The following SEC14L1 variants were observed in gnomAD, a reference collection of about 807,000 sequenced individuals.
The protein encoded by SEC14L1 is SEC14-like protein 1.
In SEC14L1, 48 loss-of-function variants were observed where a neutral mutation model predicts 85.3. The observed-to-expected ratio is 0.56, with a 90% CI of 0.45 to 0.72. The LOEUF (loss-of-function observed/expected upper bound fraction) is 0.72. Ranked by LOEUF, SEC14L1 falls within the 30% of genes least tolerant of loss-of-function variation. SEC14L1 has a pLI of 0.00. For missense variants in SEC14L1, 682 were observed against 921.4 expected, an observed-to-expected ratio of 0.74 and a Z score of 3.36; for synonymous variants, 391 against 355.5, an observed-to-expected ratio of 1.10 and a Z score of -1.12.
At chr17:77,113,226 G>A (rs539745499) in intron 3 of SEC14L1, among the ~76,000 whole-genome samples, 26 of 152,266 alleles carry the variant, frequency 1.7e-4, no homozygotes, top group Non-Finnish European at 3.2e-4. Context: ...TATGTGAAAC[G>A]AATTCTATCT....
chr17:77,198,657 A>C (rs1014389795), intron 8 of SEC14L1, among the ~76,000 whole-genome samples: 50 of 148,924 alleles, frequency 3.4e-4, no homozygotes, highest in Non-Finnish European at 8.9e-5. Flanking sequence ...TCACTGCAAG[A>C]TCCGCCTCCT....
At chr17:77,116,176 C>T (rs1262447130) in intron 3 of SEC14L1, among the ~76,000 whole-genome samples, 1 of 152,040 alleles carries the variant, frequency 6.6e-6, no homozygotes, top group African/African-American at 2.4e-5. Context: ...TGCCTCAGTC[C>T]CCCAAAGTGT....
At chr17:77,141,939 A>G (rs1309316518) in intron 1 of SEC14L1, among the ~76,000 whole-genome samples, 1 of 152,240 alleles carries the variant, frequency 6.6e-6, no homozygotes, top group Non-Finnish European at 1.5e-5. Flanking sequence ...TTTGCAAAAG[A>G]AAAAGAACGT....
intron 3 of SEC14L1, among the ~76,000 whole-genome samples, chr17:77,125,926 C>A (rs1352037401): frequency 2.6e-5 from 4 of 152,176 alleles, no homozygotes; most frequent in African/African-American, 9.7e-5. Flanking sequence ...CCCAGGCAGG[C>A]AAATCACCAG....
At chr17:77,098,031 A>G (rs913397966) in intron 3 of SEC14L1, among the ~76,000 whole-genome samples, 1 of 152,112 alleles carries the variant, frequency 6.6e-6, no homozygotes, top group Non-Finnish European at 1.5e-5. Flanking sequence ...CACACAAGCA[A>G]AAGGAGTTGA....
chr17:77,094,397 C>T (rs929993084), intron 3 of SEC14L1: 5 of 152,122 alleles, frequency 3.3e-5, no homozygotes, highest in Admixed American at 6.6e-5. Flanking sequence ...CTATTTGCCA[C>T]GGAAAGATGC....
chr17:77,180,769 C>T (rs1361348108), intron 3 of SEC14L1, among the ~76,000 whole-genome samples: 1 of 152,102 alleles, frequency 6.6e-6, no homozygotes, highest in Non-Finnish European at 1.5e-5. Flanking sequence ...ACGGGTATGC[C>T]GTAACTGCTG....
intron 15 of SEC14L1, 24 bp downstream of exon 15, chr17:77,212,225 C>T (rs764731619): frequency 8.7e-6 from 14 of 1,609,886 alleles, no homozygotes; most frequent in Non-Finnish European, 1.0e-5. Flanking sequence ...CAGGTCAAAT[C>T]GCGCATCCGT....
At chr17:77,137,142 C>G (rs922317686), upstream of SEC14L1, among the ~76,000 whole-genome samples, 1 of 152,184 alleles carries the variant, frequency 6.6e-6, no homozygotes, top group African/African-American at 2.4e-5. Context: ...CTCCCAACCT[C>G]AGGGGATCCA....
chr17:77,182,424 C>T (rs953268691), intron 3 of SEC14L1, among the ~76,000 whole-genome samples: 1 of 152,098 alleles, frequency 6.6e-6, no homozygotes, highest in Non-Finnish European at 1.5e-5. Context: ...TGGGAGGAAG[C>T]AGTTACCCGG....
intron 3 of SEC14L1, among the ~76,000 whole-genome samples, chr17:77,150,183 A>G (rs1019339356): frequency 6.6e-6 from 1 of 152,058 alleles, no homozygotes; most frequent in Non-Finnish European, 1.5e-5. Context: ...CAGGTGTCTC[A>G]TGTCTTCCCA....
chr17:77,146,409 C>T (rs557839998), intron 3 of SEC14L1, among the ~76,000 whole-genome samples: 2 of 152,316 alleles, frequency 1.3e-5, no homozygotes, highest in Admixed American at 1.3e-4. Flanking sequence ...GATTGTTTAA[C>T]GTTCAGACTT....
Position 77,213,589 on chromosome 17 carries a change from C to T in SEC14L1, c.2042+97C>T, listed in dbSNP as rs757131454. 2.8e-6 allele frequency: 4 copies of T among 1,450,888 alleles called. No individual in the cohort carries two copies. Among genetic ancestry groups the T allele is most frequent in the South Asian group, 1.2e-5 (1 of 85,198 alleles). 89.9% of individuals were successfully genotyped at this position (1,450,888 alleles called of 1,614,324 possible). On this transcript the variant is annotated intron_variant, in intron 16 of 16. Transcript: ENST00000436233. The surrounding 1 kb of genome is among the most constrained non-coding windows in gnomAD (Gnocchi z 7.1). ...CCGTGTGCAGGATCAGCAGTGGCGG[C>T]GGGTGTCAGGAATGCTTGGAGGGCC...
chr17:77,127,693 T>C (rs147923514), intron 3 of SEC14L1, among the ~76,000 whole-genome samples: 186 of 152,092 alleles, frequency 1.2e-3, no homozygotes, highest in African/African-American at 4.1e-3. Context: ...TGAATGTGGG[T>C]CCCCAAAAGA....
At position 77,214,495 on chromosome 17, in the gene SEC14L1, C is replaced by T. The variant is rs1457034840; in HGVS notation, c.*472C>T. 3.0e-6 allele frequency: 3 copies of T among 1,001,180 alleles called. No homozygotes were observed. The African/African-American group carries it at 5.2e-5, about 17-fold the overall frequency. 62.0% of individuals were successfully genotyped at this position (1,001,180 alleles called of 1,614,324 possible). ...CGCACGCCGCCTCACGGCCCCCATG[C>T]TTCCCGCCAGTCAAGATGGTCTGTG... On this transcript the variant is annotated 3_prime_UTR_variant, in exon 17 of 17. Transcript: ENST00000436233.
intron 3 of SEC14L1, chr17:77,099,209 T>C (rs1017735721): frequency 1.3e-5 from 2 of 152,218 alleles, no homozygotes; most frequent in African/African-American, 4.8e-5. Flanking sequence ...TTTATTGAAT[T>C]AAAATAAGAC....
intron 10 of SEC14L1, among the ~76,000 whole-genome samples, chr17:77,204,531 T>C (rs982688165): frequency 6.8e-6 from 1 of 146,326 alleles, no homozygotes; most frequent in African/African-American, 2.6e-5. Context: ...GCTTTTTTTT[T>C]TTTTTTTTTT....
chr17:77,108,827 CTT>C (rs78214523), intron 3 of SEC14L1, among the ~76,000 whole-genome samples: 7 of 129,850 alleles, frequency 5.4e-5, no homozygotes, highest in Non-Finnish European at 3.3e-5. Context: ...TCATCTGTTT[CTT>C]TTTTTTTTTT....
chr17:77,100,042 G>A (rs543853614), intron 3 of SEC14L1, among the ~76,000 whole-genome samples: 22 of 152,332 alleles, frequency 1.4e-4, no homozygotes, highest in African/African-American at 3.8e-4. Context: ...ACTAGGCTAA[G>A]CTTCCCTGCT....
Sources: gnomAD v4.1 joint callset for allele counts (sites outside exome capture counted in the v4.1 genomes callset) on GRCh38, gnomAD v4.1.1 for gene constraint, Gnocchi (gnomAD v3.1) non-coding constraint, MANE v1.5 for transcripts, NCBI Gene and HGNC (gene_info 2026-07-23, HGNC 2026-07-21) for gene names.